Variants in MTCH2 observed in about 807,000 individuals in gnomAD.
MTCH2 encodes the protein mitochondrial carrier 2.
A neutral mutation model predicts 50.6 loss-of-function variants in MTCH2; 25 were observed. That is an observed-to-expected ratio of 0.49 (90% confidence interval 0.36 to 0.69). The LOEUF is 0.69. Ranked by LOEUF, MTCH2 falls within the 30% of genes least tolerant of loss-of-function variation. The pLI, the probability that MTCH2 is intolerant of heterozygous loss-of-function variation, is 0.00. For missense variants in MTCH2, 273 were observed against 384.4 expected (o/e 0.71, Z 2.42); for synonymous variants, 106 against 132.0 (o/e 0.80, Z 1.35).
intron 1 of MTCH2, among the ~76,000 whole-genome samples, chr11:47,640,083 CT>C (rs1598857707): frequency 1.3e-5 from 2 of 152,112 alleles, no homozygotes; most frequent in East Asian, 3.9e-4. Flanking sequence ...AATCCCAGCA[CT>C]TTGGGAGGCC....
intron 6 of MTCH2, 98 bp downstream of exon 6, chr11:47,631,556 C>A: frequency 8.7e-7 from 1 of 1,153,552 alleles, no homozygotes; most frequent in Non-Finnish European, 1.3e-6. Context: ...CAAAAACATG[C>A]AGGCAAGGCA....
At chr11:47,615,782 GCCA>G (rs1598827534), downstream of MTCH2, among the ~76,000 whole-genome samples, 1 of 10,168 alleles carries the variant, frequency 9.8e-5, no homozygotes, top group East Asian at 4.8e-3. Context: ...ACAGGTGCCC[GCCA>G]CCACGCCTAA....
At chr11:47,616,349 C>A (rs183274576), downstream of MTCH2, among the ~76,000 whole-genome samples, 1 of 152,094 alleles carries the variant, frequency 6.6e-6, no homozygotes, top group African/African-American at 2.4e-5. Context: ...TACTAGAGAA[C>A]CCCTACTTTT....
At chr11:47,631,761 A>G (rs754047176) in intron 5 of MTCH2, 50 bp from the exon 6 acceptor site, 1 of 1,593,860 alleles carries the variant, frequency 6.3e-7, no homozygotes, top group South Asian at 1.1e-5. Flanking sequence ...TGACACTCAA[A>G]TGCCTGTGAG....
At chr11:47,612,201 T>G in the MTCH2 span, among the ~76,000 whole-genome samples, 1 of 151,952 alleles carries the variant, frequency 6.6e-6, no homozygotes, top group Non-Finnish European at 1.5e-5. Flanking sequence ...ATGGCTTGAG[T>G]CCGGGAGTTC....
At chr11:47,609,124 CAAA>C in the MTCH2 span, among the ~76,000 whole-genome samples, 1 of 89,914 alleles carries the variant, frequency 1.1e-5, no homozygotes, top group Non-Finnish European at 2.1e-5. Context: ...AACTCTGTCT[CAAA>C]AAAAAAAAAA....
chr11:47,611,630 A>G, the MTCH2 span, among the ~76,000 whole-genome samples: 1 of 152,194 alleles, frequency 6.6e-6, no homozygotes, highest in Non-Finnish European at 1.5e-5. Context: ...GAGAGAGGAC[A>G]AGATTTGTTT....
At chr11:47,609,743 G>A in the MTCH2 span, among the ~76,000 whole-genome samples, 1 of 152,044 alleles carries the variant, frequency 6.6e-6, no homozygotes, top group Non-Finnish European at 1.5e-5. Context: ...GGAGAGTCAT[G>A]GCCATCCTCT....
At chr11:47,635,749 T>C (rs1229182869) in intron 3 of MTCH2, among the ~76,000 whole-genome samples, 178 bp from the exon 4 acceptor site, 1 of 151,976 alleles carries the variant, frequency 6.6e-6, no homozygotes, top group Non-Finnish European at 1.5e-5. Context: ...ACTGGAAATA[T>C]GGATCTCCAA....
chr11:47,629,154 G>A (rs2097300744), intron 8 of MTCH2, 108 bp from the exon 9 acceptor site: 1 of 956,012 alleles, frequency 1.0e-6, no homozygotes, highest in East Asian at 2.7e-5. Context: ...AAACATTCTA[G>A]GGAAGTAAAA....
intron 11 of MTCH2, among the ~76,000 whole-genome samples, chr11:47,623,050 A>G (rs1295993645): frequency 6.6e-6 from 1 of 152,210 alleles, no homozygotes; most frequent in East Asian, 1.9e-4. Context: ...ATGAAACTCC[A>G]GAACACAGCA....
chr11:47,642,509 G>T lies in MTCH2; in HGVS notation c.-44C>A. On this transcript the variant is annotated 5_prime_UTR_variant, in exon 1 of 13. Coordinates refer to ENST00000302503, the MANE Select transcript of MTCH2 (RefSeq NM_014342.4). ...ACGGACAGACAGACGGAGCCACCAA[G>T]CGACCCGGTGAGCCGGTCCTAGGTC... is the stretch of plus-strand genomic sequence containing the variant. 1 of 1,520,438 alleles carries T rather than the reference G, an allele frequency of 6.6e-7. No individual in the cohort carries two copies. The highest frequency in any genetic ancestry group is 8.8e-7 in the Non-Finnish European group (1 of 1,131,266). 94.2% of individuals were successfully genotyped at this position (1,520,438 alleles called of 1,614,324 possible).
chr11:47,633,929 G>A (rs958097995), intron 5 of MTCH2, among the ~76,000 whole-genome samples: 2 of 152,108 alleles, frequency 1.3e-5, no homozygotes. Context: ...AGTAATAAGA[G>A]AATAGTTCTG....
intron 3 of MTCH2, 79 bp from the exon 4 acceptor site, chr11:47,635,650 A>T (rs1433670855): frequency 5.1e-6 from 7 of 1,385,948 alleles, no homozygotes; most frequent in Non-Finnish European, 7.0e-6. Context: ...AACTCTACTG[A>T]CAGAAAGTAA....
chr11:47,637,319 T>C (rs2097309672), intron 3 of MTCH2, among the ~76,000 whole-genome samples: 1 of 152,002 alleles, frequency 6.6e-6, no homozygotes, highest in African/African-American at 2.4e-5. Flanking sequence ...AGAAAATAAG[T>C]CAGTAAAAAC....
chr11:47,614,577 C>T (rs2097287293), downstream of MTCH2, among the ~76,000 whole-genome samples: 2 of 152,120 alleles, frequency 1.3e-5, no homozygotes, highest in South Asian at 2.1e-4. Flanking sequence ...GGCAATTCTC[C>T]TGCCTCAGCC....
At chr11:47,614,074 A>AAAACAAACAAAC (rs60286227), downstream of MTCH2, among the ~76,000 whole-genome samples, 1 of 151,412 alleles carries the variant, frequency 6.6e-6, no homozygotes, top group South Asian at 2.1e-4. Flanking sequence ...CCTTGTCTCA[A>AAAACAAACAAAC]AAACAAACAA....
At chr11:47,623,849 C>T (rs1384078321) in intron 11 of MTCH2, among the ~76,000 whole-genome samples, 18 of 152,026 alleles carry the variant, frequency 1.2e-4, no homozygotes, top group Admixed American at 1.1e-3. Flanking sequence ...GTCAGGAGTT[C>T]GAGACCAGCC....
chr11:47,606,669 T>A, the MTCH2 span, among the ~76,000 whole-genome samples: 7 of 152,232 alleles, frequency 4.6e-5, no homozygotes, highest in Non-Finnish European at 1.0e-4. Context: ...TCTGGGATTA[T>A]TTATTTATCC....
Sources: gnomAD v4.1 joint callset for allele counts (sites outside exome capture counted in the v4.1 genomes callset) on GRCh38, gnomAD v4.1.1 for gene constraint, MANE v1.5 for transcripts, NCBI Gene and HGNC (gene_info 2026-07-23, HGNC 2026-07-21) for gene names.